The following CNTNAP2 variants were observed in gnomAD, a reference collection of about 807,000 sequenced individuals.
CNTNAP2 encodes contactin-associated protein-like 2.
CNTNAP2 carries 98 observed loss-of-function variants against 155.2 expected under a neutral mutation model. The observed-to-expected ratio is 0.63, with a 90% CI of 0.54 to 0.75. The LOEUF is 0.75. CNTNAP2 is among the 30% of genes least tolerant of loss of function. CNTNAP2 has a pLI of 0.00. For missense variants in CNTNAP2, 1,727 were observed against 1,688.1 expected (o/e 1.02, Z -0.40); for synonymous variants, 651 against 631.2 (o/e 1.03, Z -0.47).
rs77458924 is a variant in CNTNAP2 at position 148,407,034 on chromosome 7, G to C, written c.3716-2357G>C. ...GTTCACTGTATATCCTCAGCACTTG[G>C]AAAGAAGTCTGACATATAGTAGGCA... On this transcript the variant is annotated intron_variant, in intron 22 of 23. Coordinates refer to ENST00000361727, the MANE Select transcript of CNTNAP2 (RefSeq NM_014141.6). Among the ~76,000 whole-genome samples, 703 of 152,212 alleles carry C rather than the reference G, an allele frequency of 4.6e-3. 8 individuals carry two copies. Among genetic ancestry groups the C allele is most frequent in the Middle Eastern group, 0.027 (8 of 294 alleles).
intron 5 of CNTNAP2, among the ~76,000 whole-genome samples, chr7:147,109,229 CAG>C (rs1180421302): frequency 2.0e-5 from 3 of 152,000 alleles, no homozygotes; most frequent in African/African-American, 7.3e-5. Context: ...AGGTGGTTAT[CAG>C]GGGAGATGCA....
intron 15 of CNTNAP2, among the ~76,000 whole-genome samples, chr7:148,039,453 C>T (rs2527056): frequency 0.36 from 54,326 of 151,946 alleles, 10,430 homozygotes; most frequent in East Asian, 0.75. Context: ...GCAGACACAC[C>T]CAGAAATAAT....
At chr7:146,144,171 A>T (rs1333882478) in intron 1 of CNTNAP2, among the ~76,000 whole-genome samples, 1 of 148,814 alleles carries the variant, frequency 6.7e-6, no homozygotes, top group Non-Finnish European at 1.5e-5. Context: ...ATTTATTTTG[A>T]GATGGGGCCT....
chr7:146,716,131 C>G (rs344473), intron 1 of CNTNAP2, among the ~76,000 whole-genome samples: 44,088 of 151,250 alleles, frequency 0.29, 12,161 homozygotes, highest in African/African-American at 0.73. Context: ...GGAACTCATT[C>G]CTAAACAATG....
chr7:147,608,825 TA>T (rs1401404023), intron 12 of CNTNAP2, among the ~76,000 whole-genome samples: 3 of 151,834 alleles, frequency 2.0e-5, no homozygotes, highest in Non-Finnish European at 4.4e-5. Context: ...CAAAGGGAGA[TA>T]GGGGTGGGGC....
At chr7:147,457,770 CAATT>C (rs1220896085) in intron 10 of CNTNAP2, among the ~76,000 whole-genome samples, 2 of 152,008 alleles carry the variant, frequency 1.3e-5, no homozygotes, top group Non-Finnish European at 2.9e-5. Context: ...AAAGAAAAAA[CAATT>C]AGAGCATTTT....
chr7:147,092,252 T>C (rs2129273500), intron 4 of CNTNAP2, among the ~76,000 whole-genome samples: 1 of 152,340 alleles, frequency 6.6e-6, no homozygotes, highest in African/African-American at 2.4e-5. Flanking sequence ...AAAATGTTTT[T>C]CTAAAATTAA....
At chr7:147,613,370 T>G (rs1801223263) in intron 12 of CNTNAP2, among the ~76,000 whole-genome samples, 1 of 152,228 alleles carries the variant, frequency 6.6e-6, no homozygotes, top group South Asian at 2.1e-4. Flanking sequence ...AAGTTCTTTA[T>G]GTAGCTGGAT....
chr7:148,393,676 C>T (rs1213744963), intron 22 of CNTNAP2, among the ~76,000 whole-genome samples: 2 of 152,082 alleles, frequency 1.3e-5, no homozygotes, highest in African/African-American at 2.4e-5. Context: ...TGATATAATC[C>T]GATTGACAGT....
intron 14 of CNTNAP2, among the ~76,000 whole-genome samples, chr7:147,949,521 G>C (rs1380181612): frequency 1.3e-5 from 2 of 150,078 alleles, no homozygotes; most frequent in South Asian, 2.1e-4. Flanking sequence ...ATCCTGACTG[G>C]CTCAAGATGT....
chr7:147,883,040 C>G (rs1423624491), intron 13 of CNTNAP2, among the ~76,000 whole-genome samples: 1 of 152,164 alleles, frequency 6.6e-6, no homozygotes. Context: ...ATTCTGAACA[C>G]TGATATAACT....
At chr7:147,168,634 T>A (rs967101798) in intron 8 of CNTNAP2, among the ~76,000 whole-genome samples, 3 of 152,138 alleles carry the variant, frequency 2.0e-5, no homozygotes, top group Non-Finnish European at 2.9e-5. Flanking sequence ...GAATTCCATT[T>A]CCATTATATT....
Position 148,247,623 on chromosome 7 carries a change from CTCTATT to C in CNTNAP2, c.3381+17846_3381+17851del, listed in dbSNP as rs1337820539. 5.5e-3 allele frequency among the ~76,000 whole-genome samples: 568 copies of C among 102,374 alleles called. 2 individuals are homozygous for C. The highest frequency in any genetic ancestry group is 0.017 in the African/African-American group (460 of 27,430). 67.2% of individuals were successfully genotyped at this position (102,374 alleles called of 152,430 possible). ...TCTCTCTCTCTCTCTCTCTCTCTCTCTCTATTTATTTATTTATTTATTTATTTATTT... is the reference window on the plus strand; with the variant it reads ...TCTCTCTCTCTCTCTCTCTCTCTCTCTATTTATTTATTTATTTATTTATTT... On this transcript the variant is annotated intron_variant, in intron 20 of 23. Coordinates refer to ENST00000361727, the MANE Select transcript of CNTNAP2 (RefSeq NM_014141.6).
At chr7:146,404,852 C>A (rs919823641) in intron 1 of CNTNAP2, among the ~76,000 whole-genome samples, 9 of 152,152 alleles carry the variant, frequency 5.9e-5, no homozygotes, top group African/African-American at 2.2e-4. Flanking sequence ...CATGTCAACT[C>A]AAACTTCATT....
chr7:146,301,203 T>G (rs181252159), intron 1 of CNTNAP2, among the ~76,000 whole-genome samples: 1 of 152,174 alleles, frequency 6.6e-6, no homozygotes, highest in African/African-American at 2.4e-5. Flanking sequence ...CCAAAACCAA[T>G]TGGAGCCTAT....
intron 5 of CNTNAP2, among the ~76,000 whole-genome samples, chr7:147,117,964 A>C (rs1801022840): frequency 1.3e-5 from 2 of 152,156 alleles, no homozygotes; most frequent in Admixed American, 1.3e-4. Context: ...ATGCATGCAA[A>C]ACCTGGGAAA....
At chr7:147,468,579 A>C (rs1798159408) in intron 10 of CNTNAP2, among the ~76,000 whole-genome samples, 1 of 152,174 alleles carries the variant, frequency 6.6e-6, no homozygotes, top group African/African-American at 2.4e-5. Flanking sequence ...TAGTCAGACG[A>C]TTAGACTTAC....
At chr7:146,424,096 C>A (rs1412496597) in intron 1 of CNTNAP2, among the ~76,000 whole-genome samples, 1 of 151,982 alleles carries the variant, frequency 6.6e-6, no homozygotes, top group African/African-American at 2.4e-5. Context: ...ATAATGCTCC[C>A]AATTTATGGT....
At chr7:147,160,146 A>T (rs182216678) in intron 8 of CNTNAP2, among the ~76,000 whole-genome samples, 1 of 152,222 alleles carries the variant, frequency 6.6e-6, no homozygotes, top group African/African-American at 2.4e-5. Context: ...GCAAAGCGAG[A>T]TAGCTGTTTT....
Sources: gnomAD v4.1 joint callset for allele counts (sites outside exome capture counted in the v4.1 genomes callset) on GRCh38, gnomAD v4.1.1 for gene constraint, MANE v1.5 for transcripts, NCBI Gene and HGNC (gene_info 2026-07-23, HGNC 2026-07-21) for gene names.